Variants in MPC1 observed in about 807,000 individuals in gnomAD.
The protein encoded by MPC1 is HSPC040 protein.
In MPC1, 6 loss-of-function variants were observed where a neutral mutation model predicts 13.9. The ratio of observed to expected loss-of-function variants is 0.43; its 90% CI spans 0.24 to 0.85. MPC1 has a LOEUF of 0.85. Among genes scored for constraint, MPC1 ranks in the 40% least tolerant of loss-of-function variants. MPC1 has a pLI of 0.24. For missense variants in MPC1, 115 were observed against 143.3 expected (o/e 0.80, Z 1.01); for synonymous variants, 47 against 50.5 (o/e 0.93, Z 0.29).
chr6:166,371,305 T>C (rs1177156538), intron 1 of MPC1, among the ~76,000 whole-genome samples: 4 of 152,200 alleles, frequency 2.6e-5, no homozygotes, highest in African/African-American at 9.6e-5. Context: ...AAATATTTAT[T>C]GAATGAATGA....
In MPC1 at chr6:166,365,173, TA is replaced by T; in HGVS notation, c.*255del. The T allele has an allele frequency of 2.9e-6, 1 of 350,694 alleles. No individual in the cohort carries two copies. Among genetic ancestry groups the T allele is most frequent in the Non-Finnish European group, 5.1e-6 (1 of 197,030 alleles). The allele number at this position is 350,694 out of a possible 1,614,324, so 21.7% of individuals were successfully genotyped here. ...TAGATGATATACATATTACTGCAGATAAAACCATCATCAGAAATTATTAAAT... is the reference window on the plus strand; with the variant it reads ...TAGATGATATACATATTACTGCAGATAAACCATCATCAGAAATTATTAAAT... On this transcript the variant is annotated 3_prime_UTR_variant, in exon 5 of 5. Transcript: ENST00000360961. This position sits in a 1 kb window ranked among gnomAD's most constrained non-coding sequence, Gnocchi z 4.2.
chr6:166,379,577 TC>T (rs879606821), intron 1 of MPC1, among the ~76,000 whole-genome samples: 1,810 of 152,324 alleles, frequency 0.012, 14 homozygotes, highest in Non-Finnish European at 0.018. Flanking sequence ...AAATTTATAA[TC>T]TGTGTAAAAT....
intron 1 of MPC1, among the ~76,000 whole-genome samples, chr6:166,375,648 T>C (rs529004284): frequency 6.6e-6 from 1 of 152,358 alleles, no homozygotes; most frequent in South Asian, 2.1e-4. Flanking sequence ...TTGAGATTTC[T>C]TCTTTGACCC....
intron 1 of MPC1, among the ~76,000 whole-genome samples, chr6:166,374,757 G>C (rs1779509037): frequency 6.6e-6 from 1 of 152,148 alleles, no homozygotes; most frequent in African/African-American, 2.4e-5. Context: ...GTCTACTTCT[G>C]GGCGTCTACT....
In MPC1 at chr6:166,365,427, T is replaced by C; in HGVS notation, c.*2A>G. On this transcript the variant is annotated 3_prime_UTR_variant, in exon 5 of 5. Transcript: ENST00000360961. The surrounding 1 kb of genome is among the most constrained non-coding windows in gnomAD (Gnocchi z 4.2). ...CAAGACCTTGTTCTTCCTTTTCCAT[T>C]GTTATGCAGATGCCGTTTTAGTCAT... 2 of 1,572,726 alleles carry C rather than the reference T, an allele frequency of 1.3e-6. No homozygotes were observed. Among genetic ancestry groups the C allele is most frequent in the East Asian group, 2.3e-5 (1 of 43,596 alleles).
At position 166,365,275 on chromosome 6, in the gene MPC1, T is replaced by C; in HGVS notation, c.*154A>G. ...ACTTGTAAGGCAGCAGAGAGTTGGTTTAGAAACTCTCAGCTATTTCTATAA... is the reference window on the plus strand; with the variant it reads ...ACTTGTAAGGCAGCAGAGAGTTGGTCTAGAAACTCTCAGCTATTTCTATAA... On this transcript the variant is annotated 3_prime_UTR_variant, in exon 5 of 5. Transcript: ENST00000360961. The surrounding 1 kb of genome is among the most constrained non-coding windows in gnomAD (Gnocchi z 4.2). 1.7e-6 allele frequency: 1 copy of C among 577,994 alleles called. No homozygotes were observed. The highest frequency in any genetic ancestry group is 2.7e-6 in the Non-Finnish European group (1 of 367,082). 35.8% of individuals were successfully genotyped at this position (577,994 alleles called of 1,614,324 possible). A position where few individuals can be genotyped will look rare whatever the true frequency, so the allele number is the denominator to read the frequency against.
intron 1 of MPC1, among the ~76,000 whole-genome samples, chr6:166,381,436 C>CA (rs1779777702): frequency 6.6e-6 from 1 of 152,144 alleles, no homozygotes; most frequent in South Asian, 2.1e-4. Context: ...AAGTTGCCTT[C>CA]ATACTATCCC....
At chr6:166,373,193 T>G (rs1222343475) in intron 1 of MPC1, among the ~76,000 whole-genome samples, 2 of 152,184 alleles carry the variant, frequency 1.3e-5, no homozygotes, top group East Asian at 3.9e-4. Context: ...AGGTTCCCTG[T>G]TAGTGCTGTA....
At chr6:166,368,071 C>T (rs987196593) in intron 2 of MPC1, among the ~76,000 whole-genome samples, 9 of 152,202 alleles carry the variant, frequency 5.9e-5, no homozygotes, top group Non-Finnish European at 1.2e-4. Flanking sequence ...GAGTTATAAA[C>T]TCTGTAAATT....
At chr6:166,381,724 T>C (rs1455529805) in intron 1 of MPC1, 18 of 772,094 alleles carry the variant, frequency 2.3e-5, no homozygotes, top group South Asian at 5.9e-5. Flanking sequence ...ATGCTCTTTG[T>C]TTCTAACTGG....
chr6:166,370,369 C>T (rs1446036894), intron 1 of MPC1, 148 bp from the exon 2 acceptor site: 7 of 573,188 alleles, frequency 1.2e-5, no homozygotes, highest in Non-Finnish European at 1.9e-5. Context: ...TAACAGTGTA[C>T]ATTCTTTTAT....
chr6:166,368,557 GA>G (rs11370568), intron 2 of MPC1, among the ~76,000 whole-genome samples: 1,247 of 114,250 alleles, frequency 0.011, 17 homozygotes, highest in African/African-American at 0.04. Flanking sequence ...CCGTCTCAGG[GA>G]AAAAAAAAAA....
chr6:166,368,709 T>C (rs1421457015), intron 2 of MPC1: 2 of 926,120 alleles, frequency 2.2e-6, no homozygotes, highest in African/African-American at 1.8e-5. Flanking sequence ...AGGGAGAGTA[T>C]CTATCTCTCC....
intron 2 of MPC1, chr6:166,369,520 A>G (rs1779295799): frequency 6.2e-6 from 1 of 161,286 alleles, no homozygotes; most frequent in African/African-American, 2.4e-5. Context: ...GTTGAGCTAT[A>G]CTGAAAATAT....
chr6:166,372,319 C>G (rs1199393465), intron 1 of MPC1, among the ~76,000 whole-genome samples: 3 of 152,188 alleles, frequency 2.0e-5, no homozygotes, highest in African/African-American at 7.2e-5. Flanking sequence ...CTTTAGGACT[C>G]TCTCCTTAAA....
chr6:166,373,932 G>A (rs1394626107), intron 1 of MPC1, among the ~76,000 whole-genome samples: 2 of 152,062 alleles, frequency 1.3e-5, no homozygotes, highest in Non-Finnish European at 2.9e-5. Flanking sequence ...TAAGTCTTCG[G>A]CCCATTTTTA....
Position 166,382,820 on chromosome 6 carries a change from C to A in MPC1, c.57G>T (p.Arg19=). The change falls in exon 1 of 5, where the codon CGG becomes CGT. Residue 19 remains arginine (R), a synonymous_variant. Transcript: ENST00000360961. ...AADYVRSKDF[R]DYLMSTHFWG... is the part of the protein sequence containing the mutation. Reference sequence around the variant, plus strand: ...GCGCTCGTCACCTCATGAGGTAGTCCCGGAAATCCTTGCTTCGGACATAGT... The same window carrying A: ...GCGCTCGTCACCTCATGAGGTAGTCACGGAAATCCTTGCTTCGGACATAGT... The A allele has an allele frequency of 6.3e-7, 1 of 1,597,126 alleles. No homozygotes were observed. The highest frequency in any genetic ancestry group is 8.5e-7 in the Non-Finnish European group (1 of 1,173,470).
chr6:166,372,363 AC>A (rs1286600274), intron 1 of MPC1, among the ~76,000 whole-genome samples: 2 of 152,190 alleles, frequency 1.3e-5, no homozygotes, highest in Non-Finnish European at 2.9e-5. Flanking sequence ...CTATTTTACA[AC>A]AGATTACAAA....
chr6:166,375,760 T>G (rs1779546712), intron 1 of MPC1, among the ~76,000 whole-genome samples: 1 of 152,216 alleles, frequency 6.6e-6, no homozygotes. Context: ...CCATATGATT[T>G]CTAGTCTTTT....
Sources: allele counts gnomAD v4.1 joint callset (sites outside exome capture counted in the v4.1 genomes callset), GRCh38; gene constraint gnomAD v4.1.1; non-coding constraint Gnocchi (gnomAD v3.1); transcripts MANE v1.5; gene names NCBI Gene and HGNC (gene_info 2026-07-23, HGNC 2026-07-21).